Variants in HERC1 observed in about 807,000 individuals in gnomAD.
HERC1 encodes HECT and RLD domain containing E3 ubiquitin protein ligase family member 1, also known as probable E3 ubiquitin-protein ligase HERC1.
In HERC1, 160 loss-of-function variants were observed where a neutral mutation model predicts 554.3. That is an observed-to-expected ratio of 0.29 (90% CI 0.25 to 0.33). HERC1 has a LOEUF of 0.33. Among genes scored for constraint, HERC1 ranks in the 10% least tolerant of loss-of-function variants. HERC1 has a pLI of 1.00. For missense variants in HERC1, 4,919 were observed against 5,918.5 expected (o/e 0.83, Z 5.54); for synonymous variants, 2,175 against 2,131.7 (o/e 1.02, Z -0.56).
At chr15:63,626,287 G>A (rs2068297343) in intron 70 of HERC1, 133 bp from the exon 71 acceptor site, 11 of 814,016 alleles carry the variant, frequency 1.4e-5, no homozygotes, top group Admixed American at 9.0e-5. Context: ...TCTATCCATC[G>A]ATTCATCTTA....
Position 63,651,347 on chromosome 15 carries a change from G to C in HERC1, c.10452C>G (p.Pro3484=). ...EGDAEESLGS[P]SDPSFSPVSW... Reference sequence around the variant, plus strand: ...AAACTGGTGAGAAACTTGGATCACTGGGTGATCCCAGGCTTTCCTCAGCAT... The same window carrying C: ...AAACTGGTGAGAAACTTGGATCACTCGGTGATCCCAGGCTTTCCTCAGCAT... Residue 3484 remains proline, a synonymous_variant, in exon 53 of 78, where the codon CCC becomes CCG. Transcript: ENST00000443617. The C allele has an allele frequency of 6.2e-7, 1 of 1,612,246 alleles. No homozygotes were observed. Among genetic ancestry groups the C allele is most frequent in the Non-Finnish European group, 8.5e-7 (1 of 1,178,288 alleles).
chr15:63,657,885 C>T (rs1052352801), intron 48 of HERC1, among the ~76,000 whole-genome samples: 8 of 152,008 alleles, frequency 5.3e-5, no homozygotes, highest in Non-Finnish European at 1.2e-4. Flanking sequence ...CTGAAAAAAA[C>T]AGCCTTTCTC....
chr15:63,705,820 A>C (rs999594861), intron 25 of HERC1, among the ~76,000 whole-genome samples: 1 of 152,094 alleles, frequency 6.6e-6, no homozygotes, highest in Non-Finnish European at 1.5e-5. Context: ...GCTTGAGCCC[A>C]GGAGTTCAAG....
At chr15:63,641,911 A>G (rs1244176426) in intron 59 of HERC1, among the ~76,000 whole-genome samples, 2 of 152,148 alleles carry the variant, frequency 1.3e-5, no homozygotes, top group African/African-American at 4.8e-5. Context: ...ATAATTAACT[A>G]TTTCTTCAGA....
In HERC1 at chr15:63,643,072, T is replaced by A; in HGVS notation, c.11332-14A>T. 2 of 1,470,356 alleles carry A rather than the reference T, an allele frequency of 1.4e-6. No homozygotes were observed. Among genetic ancestry groups the A allele is most frequent in the Admixed American group, 3.4e-5 (2 of 58,626 alleles). 91.1% of individuals were successfully genotyped at this position (1,470,356 alleles called of 1,614,324 possible). On this transcript the variant is annotated splice_polypyrimidine_tract_variant and intron_variant, in intron 58 of 77. Coordinates refer to ENST00000443617, the MANE Select transcript of HERC1 (RefSeq NM_003922.4). ...GACAGAGCCATCCTAAAATGAGATA[T>A]ATTTACCAATACACACCATTGAACT... is the stretch of plus-strand genomic sequence containing the variant.
intron 1 of HERC1, among the ~76,000 whole-genome samples, chr15:63,789,464 G>C (rs931166569): frequency 6.6e-6 from 1 of 151,996 alleles, no homozygotes; most frequent in African/African-American, 2.4e-5. Context: ...CTAGAGTCAA[G>C]TAGAATATAA....
At chr15:63,720,276 A>G (rs533228154) in intron 19 of HERC1, among the ~76,000 whole-genome samples, 4 of 151,080 alleles carry the variant, frequency 2.6e-5, no homozygotes, top group South Asian at 4.2e-4. Context: ...GCCTCTTCCC[A>G]TTCTTTAATT....
At chr15:63,717,390 T>C (rs1339082102) in intron 21 of HERC1, among the ~76,000 whole-genome samples, 1 of 152,200 alleles carries the variant, frequency 6.6e-6, no homozygotes, top group African/African-American at 2.4e-5. Flanking sequence ...AAGGACTAAA[T>C]AATGGAGTGC....
intron 7 of HERC1, 124 bp from the exon 8 acceptor site, chr15:63,753,209 T>C (rs2075309224): frequency 1.7e-6 from 1 of 600,372 alleles, no homozygotes; most frequent in South Asian, 5.5e-5. Flanking sequence ...TGAAAAGCTA[T>C]GTTTCTGATA....
intron 34 of HERC1, among the ~76,000 whole-genome samples, chr15:63,683,185 A>G (rs2071571203): frequency 6.6e-6 from 1 of 151,944 alleles, no homozygotes; most frequent in African/African-American, 2.4e-5. Flanking sequence ...GCAAAATGTT[A>G]CAAGCTTGTA....
intron 1 of HERC1, among the ~76,000 whole-genome samples, chr15:63,789,130 G>C (rs1286444280): frequency 1.9e-5 from 2 of 103,074 alleles, no homozygotes; most frequent in African/African-American, 3.8e-5. Context: ...TCGCTCTGTC[G>C]CCCAGGCTGG....
chr15:63,690,612 G>A lies in HERC1; in HGVS notation c.5866C>T (p.Leu1956Phe). 2.5e-6 allele frequency: 4 copies of A among 1,612,966 alleles called. No homozygotes were observed. Among genetic ancestry groups the A allele is most frequent in the Non-Finnish European group, 3.4e-6 (4 of 1,179,126 alleles). The change falls in exon 32 of 78, where the codon CTT becomes TTT. Residue 1956 changes from leucine to phenylalanine, a missense_variant. This residue lies in a region of HERC1 where 1,121 missense variants were observed against 1,244.0 expected (regional missense o/e 0.90). Coordinates refer to ENST00000443617, the MANE Select transcript of HERC1 (RefSeq NM_003922.4). The stretch of plus-strand genomic sequence containing the variant: ...ACAGCTTCAAGGACATGAAGTGCAA[G>A]GAGCCTTGTTCTTAAGTTACCAACC... ...PLVGNLRTRL[L>F]ALHVLEAVLP...
intron 1 of HERC1, among the ~76,000 whole-genome samples, chr15:63,815,445 T>A (rs2077461011): frequency 1.3e-5 from 2 of 152,150 alleles, no homozygotes; most frequent in Non-Finnish European, 2.9e-5. Flanking sequence ...ATAACAAGAG[T>A]ATGCCTACTG....
At chr15:63,653,877 T>C (rs950008383) in intron 51 of HERC1, among the ~76,000 whole-genome samples, 5 of 152,200 alleles carry the variant, frequency 3.3e-5, no homozygotes, top group African/African-American at 1.2e-4. Flanking sequence ...GCTATTCCTT[T>C]GGTTTTCTTC....
intron 1 of HERC1, among the ~76,000 whole-genome samples, chr15:63,818,933 C>T (rs1433428912): frequency 6.6e-6 from 1 of 152,228 alleles, no homozygotes; most frequent in Non-Finnish European, 1.5e-5. Context: ...TATTATAGTG[C>T]TGCCATTAGA....
chr15:63,739,463 C>T (rs1429296187), intron 12 of HERC1, among the ~76,000 whole-genome samples: 2 of 151,512 alleles, frequency 1.3e-5, no homozygotes, highest in Non-Finnish European at 2.9e-5. Context: ...TCCCAAAGTG[C>T]TGGGATTATA....
intron 51 of HERC1, 95 bp downstream of exon 51, chr15:63,654,022 CAA>C (rs1382241484): frequency 6.6e-6 from 6 of 906,806 alleles, no homozygotes; most frequent in South Asian, 1.5e-5. Context: ...GAGAGTGACA[CAA>C]AGAGAGAGAC....
At chr15:63,808,366 G>C (rs1002894216) in intron 1 of HERC1, among the ~76,000 whole-genome samples, 23 of 152,132 alleles carry the variant, frequency 1.5e-4, no homozygotes, top group African/African-American at 5.1e-4. Context: ...CAGCTCACTG[G>C]AGCCTTGAAC....
At chr15:63,668,025 T>A (rs6494423) in intron 40 of HERC1, among the ~76,000 whole-genome samples, 1 of 152,060 alleles carries the variant, frequency 6.6e-6, no homozygotes, top group Non-Finnish European at 1.5e-5. Context: ...GGTGCTGCAA[T>A]CCCTGCAATG....
Sources: allele counts gnomAD v4.1 joint callset (sites outside exome capture counted in the v4.1 genomes callset), GRCh38; gene constraint gnomAD v4.1.1; regional missense constraint gnomAD v4.1.1; transcripts MANE v1.5; gene names NCBI Gene and HGNC (gene_info 2026-07-23, HGNC 2026-07-21).